Variants in GRIA2 observed in about 807,000 individuals in gnomAD.
The protein encoded by GRIA2 is glutamate receptor 2.
Under a neutral mutation model 97.3 loss-of-function variants are expected in GRIA2, and 14 were observed. That is an observed-to-expected ratio of 0.14 (90% CI 0.10 to 0.23). The LOEUF (loss-of-function observed/expected upper bound fraction) is 0.23. Ranked by LOEUF, GRIA2 falls within the 10% of genes least tolerant of loss-of-function variation. The pLI is 1.00. For missense variants in GRIA2, 558 were observed against 1,069.8 expected (o/e 0.52, Z 6.67); for synonymous variants, 412 against 387.8 (o/e 1.06, Z -0.73).
intron 12 of GRIA2, among the ~76,000 whole-genome samples, chr4:157,349,339 G>A (rs191539509): frequency 6.6e-6 from 1 of 151,508 alleles, no homozygotes; most frequent in Non-Finnish European, 1.5e-5. Context: ...GCGTTCCAGG[G>A]TTTTTGTACA....
intron 12 of GRIA2, among the ~76,000 whole-genome samples, chr4:157,357,983 G>T (rs932220254): frequency 6.6e-6 from 1 of 152,012 alleles, no homozygotes; most frequent in East Asian, 1.9e-4. Context: ...TTTTAAACTT[G>T]GAAAAATTGA....
intron 11 of GRIA2, among the ~76,000 whole-genome samples, chr4:157,338,020 A>G (rs866528248): frequency 5.8e-3 from 69 of 11,932 alleles, no homozygotes; most frequent in Non-Finnish European, 0.011. Context: ...ATATATATAT[A>G]TATATATATA....
intron 2 of GRIA2, among the ~76,000 whole-genome samples, chr4:157,232,315 G>A (rs952285171): frequency 2.0e-5 from 3 of 152,156 alleles, no homozygotes; most frequent in Non-Finnish European, 4.4e-5. Flanking sequence ...GAAAGATCTG[G>A]AAGTGGAGCT....
rs35846473 is a variant in GRIA2, at chr4:157,245,499, G to GT, written c.229+23701dup. ...TGATTTCTAAGTGAATTAAGACCAG[G>GT]TTTTTTTTTGGAAACTGTTAAAATC... On this transcript the variant is annotated intron_variant, in intron 2 of 15. Coordinates refer to ENST00000264426, the MANE Select transcript of GRIA2 (RefSeq NM_001083619.3). Among the ~76,000 whole-genome samples, 564 of 151,092 alleles carry GT rather than the reference G, an allele frequency of 3.7e-3. 16 individuals carry two copies. In the East Asian group the frequency reaches 0.092, roughly 25 times the overall value.
At position 157,335,928 on chromosome 4, in the gene GRIA2, G is replaced by A. The variant is rs989783595; in HGVS notation, c.1473+51G>A. ...AAGTCATTCAATTTGAATTGTTGTT[G>A]ACAGACTGCTTCCTCTCCCTGTGAA... On this transcript the variant is annotated intron_variant, in intron 10 of 15. Coordinates refer to ENST00000264426, the MANE Select transcript of GRIA2 (RefSeq NM_001083619.3). 9 of 1,165,896 alleles carry A rather than the reference G, an allele frequency of 7.7e-6. No individual in the cohort carries two copies. The Admixed American group carries it at 1.1e-4, about 15-fold the overall frequency. The allele number at this position is 1,165,896 out of a possible 1,614,324, so 72.2% of individuals were successfully genotyped here.
At chr4:157,233,351 A>T (rs1264791019) in intron 2 of GRIA2, among the ~76,000 whole-genome samples, 1 of 152,158 alleles carries the variant, frequency 6.6e-6, no homozygotes, top group African/African-American at 2.4e-5. Flanking sequence ...TCAAACTCTC[A>T]TATTTTTAGC....
At chr4:157,315,760 C>T (rs1460387991) in intron 4 of GRIA2, among the ~76,000 whole-genome samples, 3 of 151,942 alleles carry the variant, frequency 2.0e-5, no homozygotes, top group South Asian at 2.1e-4. Context: ...AGGATGGTCT[C>T]GAACTCCTGA....
At chr4:157,229,861 C>G (rs1272238649) in intron 2 of GRIA2, among the ~76,000 whole-genome samples, 2 of 152,216 alleles carry the variant, frequency 1.3e-5, no homozygotes, top group African/African-American at 2.4e-5. Flanking sequence ...TCCTCTAATA[C>G]TTTCACGCTG....
In GRIA2 at chr4:157,361,035, A is replaced by C. The variant is rs1025112012; in HGVS notation, c.2317A>C (p.Lys773Gln). The change falls in exon 14 of 16, where the codon AAA becomes CAA. Residue 773 changes from lysine to glutamine, a missense_variant. Lys to Gln is a moderately conservative substitution (Grantham distance 53). This residue lies in a region of GRIA2 where 125 missense variants were observed against 310.2 expected (regional missense o/e 0.40). Coordinates refer to ENST00000264426, the MANE Select transcript of GRIA2 (RefSeq NM_001083619.3). This position sits in a 1 kb window ranked among gnomAD's most constrained non-coding sequence, Gnocchi z 5.2. ...AAATGCGGTTAACCTCGCAGTACTA[A>C]AACTGAATGAACAAGGCCTGTTGGA... The part of the protein sequence containing the change: ...LRNAVNLAVL[K>Q]LNEQGLLDKL... The C allele has an allele frequency of 6.2e-7, 1 of 1,613,060 alleles. No individual in the cohort carries two copies. The highest frequency in any genetic ancestry group is 8.5e-7 in the Non-Finnish European group (1 of 1,179,190).
chr4:157,347,509 TG>T (rs1266490128), intron 12 of GRIA2, among the ~76,000 whole-genome samples: 7 of 152,196 alleles, frequency 4.6e-5, no homozygotes, highest in Admixed American at 3.9e-4. Flanking sequence ...AATACAGAAG[TG>T]ATTTGGGATT....
At chr4:157,222,700 T>TCAGC (rs1252598529) in intron 2 of GRIA2, among the ~76,000 whole-genome samples, 1 of 152,222 alleles carries the variant, frequency 6.6e-6, no homozygotes, top group Non-Finnish European at 1.5e-5. Context: ...AAGTCGCTGA[T>TCAGC]CAGCCATTTT....
intron 3 of GRIA2, among the ~76,000 whole-genome samples, chr4:157,306,811 G>A (rs1337827468): frequency 1.3e-5 from 2 of 152,112 alleles, no homozygotes; most frequent in East Asian, 1.9e-4. Context: ...TGTGTGAACT[G>A]TTTTCCCCCA....
chr4:157,359,526 C>A (rs1579393494), intron 12 of GRIA2, among the ~76,000 whole-genome samples: 1 of 152,086 alleles, frequency 6.6e-6, no homozygotes, highest in South Asian at 2.1e-4. Flanking sequence ...AATTAGGAAT[C>A]GACCATTTAG....
At position 157,334,057 on chromosome 4, in the gene GRIA2, G is replaced by T; in HGVS notation, c.1203G>T (p.Glu401Asp). Residue 401 changes from glutamate to aspartate, a missense_variant, in exon 9 of 16, where the codon GAG becomes GAT. By Grantham distance (45) the Glu-to-Asp change is conservative (BLOSUM62 2). This residue lies in a region of GRIA2 where 66 missense variants were observed against 118.7 expected (regional missense o/e 0.56). Transcript: ENST00000264426. ...EVDKMVVTLT[E>D]LPSGNDTSGL... The stretch of plus-strand genomic sequence containing the variant: ...ACAAAATGGTTGTTACCCTTACTGA[G>T]CTCCCTTCTGGAAATGACACCTCTG... The T allele has an allele frequency of 6.2e-7, 1 of 1,611,074 alleles. No individual in the cohort carries two copies.
intron 2 of GRIA2, among the ~76,000 whole-genome samples, chr4:157,271,671 G>C (rs1420788109): frequency 6.6e-6 from 1 of 152,018 alleles, no homozygotes; most frequent in Non-Finnish European, 1.5e-5. Flanking sequence ...GGTCATTGGT[G>C]ATCGACTTAG....
chr4:157,235,327 G>C (rs1017454738), intron 2 of GRIA2, among the ~76,000 whole-genome samples: 1 of 151,972 alleles, frequency 6.6e-6, no homozygotes, highest in Non-Finnish European at 1.5e-5. Flanking sequence ...ACAAGATAAG[G>C]CTTCTGTATT....
intron 2 of GRIA2, among the ~76,000 whole-genome samples, chr4:157,283,487 T>A (rs759045101): frequency 1.3e-5 from 2 of 152,026 alleles, no homozygotes; most frequent in Non-Finnish European, 2.9e-5. Flanking sequence ...AATATAGTAA[T>A]GCTTACTTAG....
chr4:157,313,423 G>A (rs1254552440), intron 4 of GRIA2, among the ~76,000 whole-genome samples: 1 of 152,086 alleles, frequency 6.6e-6, no homozygotes, highest in African/African-American at 2.4e-5. Context: ...CATTTGGGCT[G>A]TGTTTGCTAT....
At chr4:157,322,799 C>G (rs1734634413) in intron 6 of GRIA2, among the ~76,000 whole-genome samples, 1 of 152,162 alleles carries the variant, frequency 6.6e-6, no homozygotes, top group Admixed American at 6.5e-5. Flanking sequence ...TTCAGTTGCT[C>G]TCACAGTTGT....
Sources: gnomAD v4.1 joint callset for allele counts (sites outside exome capture counted in the v4.1 genomes callset) on GRCh38, gnomAD v4.1.1 for gene constraint, gnomAD v4.1.1 regional missense constraint, Gnocchi (gnomAD v3.1) non-coding constraint, MANE v1.5 for transcripts, NCBI Gene and HGNC (gene_info 2026-07-23, HGNC 2026-07-21) for gene names.